ZNF569: variants seen among roughly 807,000 people sequenced by gnomAD.
ZNF569 encodes DNA-binding protein.
ZNF569 carries 38 observed loss-of-function variants against 56.3 expected under a neutral mutation model. The observed-to-expected ratio is 0.68, with a 90% confidence interval of 0.52 to 0.88. The LOEUF is 0.88. Ranked by LOEUF, ZNF569 falls within the 40% of genes least tolerant of loss-of-function variation. The pLI is 0.00. For missense variants in ZNF569, 666 were observed against 809.2 expected (o/e 0.82, Z 2.15); for synonymous variants, 241 against 262.9 (o/e 0.92, Z 0.81).
At chr19:37,435,795 A>G (rs909469111) in intron 3 of ZNF569, among the ~76,000 whole-genome samples, 2 of 152,236 alleles carry the variant, frequency 1.3e-5, no homozygotes, top group African/African-American at 4.8e-5. Flanking sequence ...GCAAGAGGAT[A>G]TAATAATTGT....
rs766165937 is a variant in ZNF569 at position 37,413,788 on chromosome 19, T to G, written c.870A>C (p.Lys290Asn). ...SQKSNLIDHE[K>N]IHTGEKPYEC... ...CATAAGGTTTCTCTCCAGTATGAAT[T>G]TTTTCATGATCAATAAGATTTGATT... The change falls in exon 6 of 6, where the codon AAA becomes AAC. Residue 290 changes from lysine to asparagine, a missense_variant. Coordinates refer to ENST00000316950, the MANE Select transcript of ZNF569 (RefSeq NM_152484.3). 3.1e-6 allele frequency: 5 copies of G among 1,613,694 alleles called. No individual in the cohort carries two copies. Among genetic ancestry groups the G allele is most frequent in the Non-Finnish European group, 4.2e-6 (5 of 1,179,928 alleles).
intron 5 of ZNF569, among the ~76,000 whole-genome samples, 193 bp from the exon 6 acceptor site, chr19:37,414,612 T>C (rs2040897707): frequency 1.3e-5 from 2 of 152,170 alleles, no homozygotes; most frequent in South Asian, 2.1e-4. Context: ...AAAGGAAATA[T>C]GAGTAGAGGC....
intron 3 of ZNF569, among the ~76,000 whole-genome samples, chr19:37,444,682 G>T (rs2041464387): frequency 6.6e-6 from 1 of 152,014 alleles, no homozygotes; most frequent in South Asian, 2.1e-4. Context: ...TTCTTTACCT[G>T]TAAAAAGGAA....
At chr19:37,461,040 C>T (rs912751853) in intron 2 of ZNF569, among the ~76,000 whole-genome samples, 1 of 152,116 alleles carries the variant, frequency 6.6e-6, no homozygotes, top group Admixed American at 6.5e-5. Flanking sequence ...GGGAACCACT[C>T]CAATAACTCA....
At position 37,426,175 on chromosome 19, in the gene ZNF569, T is replaced by C. The variant is rs190428842; in HGVS notation, c.142+77A>G. 3.3e-6 allele frequency: 5 copies of C among 1,492,550 alleles called. No homozygotes were observed. The South Asian group carries it at 4.0e-5, about 12-fold the overall frequency. 92.5% of individuals were successfully genotyped at this position (1,492,550 alleles called of 1,614,324 possible). On this transcript the variant is annotated intron_variant, in intron 4 of 5. Transcript: ENST00000316950. Reference sequence around the variant, plus strand: ...CTCACTCTAATATTTAAAAGGTCCATGTATTTCAGAAACACTGGGAGGAAA... The same window carrying C: ...CTCACTCTAATATTTAAAAGGTCCACGTATTTCAGAAACACTGGGAGGAAA...
chr19:37,433,638 C>T (rs1448345884), intron 3 of ZNF569, among the ~76,000 whole-genome samples: 1 of 152,166 alleles, frequency 6.6e-6, no homozygotes, highest in Non-Finnish European at 1.5e-5. Context: ...AATGGAAGCT[C>T]CAATATGTCT....
intron 2 of ZNF569, among the ~76,000 whole-genome samples, chr19:37,460,382 A>AT (rs1282124379): frequency 6.6e-6 from 1 of 152,126 alleles, no homozygotes; most frequent in African/African-American, 2.4e-5. Flanking sequence ...ACCTCAGGTG[A>AT]TTCGCCTGCC....
intron 2 of ZNF569, among the ~76,000 whole-genome samples, chr19:37,461,328 T>A (rs1022056641): frequency 1.2e-4 from 18 of 151,562 alleles, no homozygotes; most frequent in Non-Finnish European, 2.4e-4. Context: ...TTTTTTTTTT[T>A]TTGACAGAGT....
At position 37,426,342 on chromosome 19, in the gene ZNF569, T is replaced by C. The variant is rs1162936568; in HGVS notation, c.52A>G (p.Thr18Ala). ...VTFKDVAIDFTQEEWKRLDPA... is the reference protein window; with the variant it reads ...VTFKDVAIDFAQEEWKRLDPA... ...TCCAATCTCTTCCACTCCTCCTGAG[T>C]GAAGTCGATAGCCACATCTTTGAAT... Residue 18 changes from threonine (T) to alanine (A), a missense_variant, in exon 4 of 6, where the codon ACT becomes GCT. Coordinates refer to ENST00000316950, the MANE Select transcript of ZNF569 (RefSeq NM_152484.3). 3.1e-6 allele frequency: 5 copies of C among 1,612,758 alleles called. No homozygotes were observed. Among genetic ancestry groups the C allele is most frequent in the Non-Finnish European group, 4.2e-6 (5 of 1,179,546 alleles).
rs1048381191 is a variant in ZNF569 at position 37,426,470 on chromosome 19, G to A, written c.16-92C>T. The stretch of plus-strand genomic sequence containing the variant: ...GAACCTTGTTCTGATATTAATCAGA[G>A]GTTATTAAAAAAGCCCATCATATTA... On this transcript the variant is annotated intron_variant, in intron 3 of 5. Transcript: ENST00000316950. The A allele has an allele frequency of 5.3e-6, 7 of 1,321,880 alleles. No individual in the cohort carries two copies. In the African/African-American group the frequency reaches 8.9e-5, roughly 17 times the overall value. 81.9% of individuals were successfully genotyped at this position (1,321,880 alleles called of 1,614,324 possible). A position where few individuals can be genotyped will look rare whatever the true frequency, so the allele number is the denominator to read the frequency against.
intron 1 of ZNF569, among the ~76,000 whole-genome samples, 181 bp from the exon 2 acceptor site, chr19:37,465,654 G>A (rs181409170): frequency 1.1e-3 from 164 of 152,316 alleles, no homozygotes; most frequent in African/African-American, 3.5e-3. Context: ...AACAGTGTAT[G>A]AGGATATAAG....
At chr19:37,458,395 G>T (rs1374120500) in intron 2 of ZNF569, among the ~76,000 whole-genome samples, 1 of 152,132 alleles carries the variant, frequency 6.6e-6, no homozygotes, top group Non-Finnish European at 1.5e-5. Context: ...ACAAAGCATT[G>T]CTCCTTAACA....
chr19:37,438,976 CAA>C (rs2041358418), intron 3 of ZNF569, among the ~76,000 whole-genome samples: 1 of 152,068 alleles, frequency 6.6e-6, no homozygotes, highest in Admixed American at 6.5e-5. Flanking sequence ...ATACAAATGG[CAA>C]AGAGGTATAT....
intron 3 of ZNF569, 61 bp downstream of exon 3, chr19:37,444,846 C>T: frequency 7.5e-7 from 1 of 1,327,318 alleles, no homozygotes; most frequent in Non-Finnish European, 1.1e-6. Context: ...TGAATTACTG[C>T]AATCCCCTTA....
At chr19:37,426,436 A>C in intron 3 of ZNF569, 58 bp from the exon 4 acceptor site, 1 of 1,501,796 alleles carries the variant, frequency 6.7e-7, no homozygotes, top group Non-Finnish European at 8.9e-7. Context: ...ATTGTAAACA[A>C]AATATATTGA....
intron 2 of ZNF569, among the ~76,000 whole-genome samples, chr19:37,464,216 G>A (rs2041797130): frequency 6.6e-6 from 1 of 152,034 alleles, no homozygotes; most frequent in South Asian, 2.1e-4. Flanking sequence ...TTGAGACGGA[G>A]TCTCACTCTG....
In ZNF569 at chr19:37,428,343, T is replaced by TG. The variant is rs1232721604; in HGVS notation, c.16-1966_16-1965insC. Among the ~76,000 whole-genome samples, 467 of 137,668 alleles carry TG rather than the reference T, an allele frequency of 3.4e-3. 3 individuals are homozygous for TG. The highest frequency in any genetic ancestry group is 3.6e-3 in the Middle Eastern group (1 of 280). The allele number at this position is 137,668 out of a possible 152,430, so 90.3% of individuals were successfully genotyped here. On this transcript the variant is annotated intron_variant, in intron 3 of 5. Transcript: ENST00000316950. Reference sequence around the variant, plus strand: ...ACATAGCAAAACCTCATCTCTACAATAAATGAATGAATGAATGAATGAATG... The same window carrying TG: ...ACATAGCAAAACCTCATCTCTACAATGAAATGAATGAATGAATGAATGAATG...
chr19:37,465,736 C>T (rs2041820537), intron 1 of ZNF569, among the ~76,000 whole-genome samples: 2 of 152,046 alleles, frequency 1.3e-5, no homozygotes, highest in South Asian at 2.1e-4. Flanking sequence ...GTTCTGGGAA[C>T]CTTTAATAAA....
intron 4 of ZNF569, 29 bp downstream of exon 4, chr19:37,426,214 CTTTCCAGAG>C: frequency 6.4e-7 from 1 of 1,569,160 alleles, no homozygotes; most frequent in Non-Finnish European, 8.6e-7. Context: ...AAGGTACTTT[CTTTCCAGAG>C]TTTGAATTAT....
Sources: gnomAD v4.1 joint callset for allele counts (sites outside exome capture counted in the v4.1 genomes callset) on GRCh38, gnomAD v4.1.1 for gene constraint, MANE v1.5 for transcripts, NCBI Gene and HGNC (gene_info 2026-07-23, HGNC 2026-07-21) for gene names.